Variants in TBX20 observed in about 807,000 individuals in gnomAD.
The protein encoded by TBX20 is T-box transcription factor 20.
A neutral mutation model predicts 42.9 loss-of-function variants in TBX20; 8 were observed. The observed-to-expected ratio is 0.19, with a 90% CI of 0.11 to 0.34. The LOEUF (loss-of-function observed/expected upper bound fraction) is 0.34. TBX20 is among the 10% of genes least tolerant of loss of function. The pLI, the probability that TBX20 is intolerant of heterozygous loss-of-function variation, is 1.00. For synonymous variants in TBX20, 198 were observed against 222.8 expected, an observed-to-expected ratio of 0.89 and a Z score of 0.99; for missense variants, 411 against 566.0, an observed-to-expected ratio of 0.73 and a Z score of 2.78.
At chr7:35,240,445 G>A (rs540563963) in intron 5 of TBX20, among the ~76,000 whole-genome samples, 14 of 152,134 alleles carry the variant, frequency 9.2e-5, no homozygotes, top group Non-Finnish European at 1.8e-4. Context: ...AATTATAGCT[G>A]AATAAACCTT....
At chr7:35,239,008 C>T (rs1474955701) in intron 5 of TBX20, among the ~76,000 whole-genome samples, 1 of 152,092 alleles carries the variant, frequency 6.6e-6, no homozygotes, top group Admixed American at 6.6e-5. Context: ...AACAAGCCTA[C>T]ACACACAACT....
intron 6 of TBX20, among the ~76,000 whole-genome samples, chr7:35,209,882 AT>A (rs1218786168): frequency 6.6e-6 from 1 of 152,064 alleles, no homozygotes; most frequent in Non-Finnish European, 1.5e-5. Flanking sequence ...ATATTTTCTA[AT>A]TTCCCTCTTG....
At chr7:35,203,596 T>C (rs527413479) in intron 7 of TBX20, among the ~76,000 whole-genome samples, 7 of 152,338 alleles carry the variant, frequency 4.6e-5, no homozygotes, top group African/African-American at 1.7e-4. Flanking sequence ...ATACAGAATA[T>C]GTGTGAATTG....
intron 6 of TBX20, among the ~76,000 whole-genome samples, chr7:35,225,178 G>A (rs1789748528): frequency 6.6e-6 from 1 of 152,110 alleles, no homozygotes; most frequent in African/African-American, 2.4e-5. Context: ...GCTTTTTGCA[G>A]ACTAAATTAG....
chr7:35,210,403 C>A (rs1024442601), intron 6 of TBX20, among the ~76,000 whole-genome samples: 5 of 152,116 alleles, frequency 3.3e-5, no homozygotes, highest in African/African-American at 4.8e-5. Flanking sequence ...GTGTGAGCCA[C>A]CGTGCCTGGC....
chr7:35,202,524 T>C lies in TBX20; in HGVS notation c.1250A>G (p.His417Arg), dbSNP rs1171656762. Residue 417 changes from histidine (H) to arginine (R), a missense_variant, in exon 8 of 8, where the codon CAC becomes CGC. Around this residue, in one of 5 missense-constraint regions of TBX20, gnomAD observed 162 missense variants for 205.4 expected, o/e 0.79. Transcript: ENST00000408931. ...AAAATAGTGATGGTATCGCGGCATG[T>C]GGAATGAAGGGAATGTGGGGCCACT... ...QGSGPTFPSF[H>R]MPRYHHYFQQ... The C allele has an allele frequency of 6.2e-7, 1 of 1,613,116 alleles. No individual in the cohort carries two copies. Among genetic ancestry groups the C allele is most frequent in the Non-Finnish European group, 8.5e-7 (1 of 1,179,650 alleles).
chr7:35,205,135 A>G (rs1386703478), intron 6 of TBX20, among the ~76,000 whole-genome samples: 2 of 152,186 alleles, frequency 1.3e-5, no homozygotes, highest in African/African-American at 4.8e-5. Context: ...TAGTTTGGGT[A>G]ATGAACACTA....
At chr7:35,246,312 T>G (rs1214674950) in intron 3 of TBX20, among the ~76,000 whole-genome samples, 1 of 152,224 alleles carries the variant, frequency 6.6e-6, no homozygotes, top group Non-Finnish European at 1.5e-5. Context: ...TTGCTCACAG[T>G]TGCCTTTCAA....
chr7:35,236,289 T>C (rs1789963530), intron 5 of TBX20, among the ~76,000 whole-genome samples: 1 of 150,996 alleles, frequency 6.6e-6, no homozygotes, highest in Non-Finnish European at 1.5e-5. Context: ...TGTGAATTTT[T>C]AAATCTTCCT....
At position 35,231,489 on chromosome 7, in the gene TBX20, G is replaced by A; in HGVS notation, c.890+15C>T. On this transcript the variant is annotated intron_variant, in intron 6 of 7. Transcript: ENST00000408931. Reference sequence around the variant, plus strand: ...TCTTATCTGAACAAGAAAGTAAACAGAAAATTCTCATTACCTCTCAATGTC... The same window carrying A: ...TCTTATCTGAACAAGAAAGTAAACAAAAAATTCTCATTACCTCTCAATGTC... 1.2e-6 allele frequency: 2 copies of A among 1,601,612 alleles called. No individual in the cohort carries two copies. The highest frequency in any genetic ancestry group is 1.7e-6 in the Non-Finnish European group (2 of 1,168,766).
Position 35,215,565 on chromosome 7 carries a change from A to G in TBX20, c.891-10983T>C, listed in dbSNP as rs1333521695. On this transcript the variant is annotated intron_variant, in intron 6 of 7. Transcript: ENST00000408931. ...TGCTAATTCTGTCACATCCCAATGC[A>G]ACAGACTGTAGTTTTAGTAGACTTA... 2.6e-5 allele frequency among the ~76,000 whole-genome samples: 4 copies of G among 152,316 alleles called. No homozygotes were observed. In the South Asian group the frequency reaches 6.2e-4, roughly 24 times the overall value.
At position 35,249,326 on chromosome 7, in the gene TBX20, C is replaced by T. The variant is rs749124085; in HGVS notation, c.381-485G>A. Among the ~76,000 whole-genome samples the T allele has an allele frequency of 1.3e-5, 2 of 152,170 alleles. No individual in the cohort carries two copies. Among genetic ancestry groups the T allele is most frequent in the South Asian group, 4.1e-4 (2 of 4,834 alleles). ...TGCCCTGCAGGTATTTTCTGTAGTC[C>T]CAAGAGCTAGAGCCACCAAGTTTTG... On this transcript the variant is annotated intron_variant, in intron 2 of 7. Transcript: ENST00000408931. The surrounding 1 kb of genome is among the most constrained non-coding windows in gnomAD (Gnocchi z 4.3).
At chr7:35,246,088 T>C (rs751221929) in intron 3 of TBX20, among the ~76,000 whole-genome samples, 1 of 152,222 alleles carries the variant, frequency 6.6e-6, no homozygotes, top group Non-Finnish European at 1.5e-5. Context: ...TTTTCTTGCA[T>C]TATTCATGTA....
intron 5 of TBX20, among the ~76,000 whole-genome samples, chr7:35,232,410 G>A (rs910256050): frequency 4.6e-5 from 7 of 152,176 alleles, no homozygotes; most frequent in African/African-American, 1.7e-4. Flanking sequence ...AGGAAACATT[G>A]ATTAAAAGAT....
At chr7:35,235,394 C>T (rs1470003133) in intron 5 of TBX20, among the ~76,000 whole-genome samples, 1 of 151,538 alleles carries the variant, frequency 6.6e-6, no homozygotes, top group Non-Finnish European at 1.5e-5. Context: ...ATAGAGGATG[C>T]CTGCAGCTTG....
intron 6 of TBX20, among the ~76,000 whole-genome samples, chr7:35,229,574 A>C (rs996473724): frequency 7.2e-5 from 11 of 152,210 alleles, no homozygotes; most frequent in African/African-American, 2.7e-4. Context: ...GAGTGCTCCC[A>C]CATCAGGATG....
At chr7:35,236,727 G>T (rs1430296136) in intron 5 of TBX20, among the ~76,000 whole-genome samples, 1 of 152,158 alleles carries the variant, frequency 6.6e-6, no homozygotes, top group African/African-American at 2.4e-5. Context: ...TGTGCAAGCG[G>T]CTATGGTTTT....
Position 35,242,907 on chromosome 7 carries a change from C to G in TBX20, c.655-1870G>C, listed in dbSNP as rs550497823. Among the ~76,000 whole-genome samples the G allele has an allele frequency of 1.1e-3, 163 of 152,336 alleles. 1 individual carries two copies. The highest frequency in any genetic ancestry group is 1.9e-3 in the Non-Finnish European group (131 of 68,032). On this transcript the variant is annotated intron_variant, in intron 4 of 7. Coordinates refer to ENST00000408931, the MANE Select transcript of TBX20 (RefSeq NM_001077653.2). ...ATTCAAAGAAGCTAGCTTAACAACA[C>G]AAGATCTAAAAATCTTTCCTTGTAT...
chr7:35,229,801 A>AT (rs1222933926), intron 6 of TBX20, among the ~76,000 whole-genome samples: 1 of 152,126 alleles, frequency 6.6e-6, no homozygotes, highest in Non-Finnish European at 1.5e-5. Flanking sequence ...ACTTGTAATT[A>AT]TTTTACATTT....
Sources: gnomAD v4.1 joint callset for allele counts (sites outside exome capture counted in the v4.1 genomes callset) on GRCh38, gnomAD v4.1.1 for gene constraint, gnomAD v4.1.1 regional missense constraint, Gnocchi (gnomAD v3.1) non-coding constraint, MANE v1.5 for transcripts, NCBI Gene and HGNC (gene_info 2026-07-23, HGNC 2026-07-21) for gene names.